The following ALK variants were observed in gnomAD, a reference collection of about 807,000 sequenced individuals.
ALK encodes the protein ALK tyrosine kinase receptor.
A neutral mutation model predicts 163.1 loss-of-function variants in ALK; 74 were observed. The ratio of observed to expected loss-of-function variants is 0.45; its 90% CI spans 0.38 to 0.55. The LOEUF is 0.55. ALK is among the 20% of genes least tolerant of loss of function. ALK has a pLI of 0.00. For missense variants in ALK, 2,063 were observed against 2,105.3 expected (o/e 0.98, Z 0.39); for synonymous variants, 960 against 843.2 (o/e 1.14, Z -2.40).
intron 1 of ALK, among the ~76,000 whole-genome samples, chr2:29,830,713 T>TAA (rs530774574): frequency 7.6e-4 from 22 of 28,982 alleles, no homozygotes; most frequent in Non-Finnish European, 1.1e-3. Flanking sequence ...TAAAATAGTT[T>TAA]AAAAAAAAAA....
In ALK at chr2:29,203,126, G is replaced by C. The variant is rs150745394; in HGVS notation, c.3938+4045C>G. On this transcript the variant is annotated intron_variant, in intron 26 of 28. Coordinates refer to ENST00000389048, the MANE Select transcript of ALK (RefSeq NM_004304.5). Reference sequence around the variant, plus strand: ...GGCCTGAGGTGGGGGCCGAGGATTCGCAGTTCCCAGGTGGTGCTGATGGAC... The same window carrying C: ...GGCCTGAGGTGGGGGCCGAGGATTCCCAGTTCCCAGGTGGTGCTGATGGAC... Among the ~76,000 whole-genome samples the C allele has an allele frequency of 3.3e-3, 498 of 152,238 alleles. 2 individuals carry two copies. Among genetic ancestry groups the C allele is most frequent in the African/African-American group, 0.011 (474 of 41,530 alleles).
At chr2:29,837,026 C>A (rs1041572202) in intron 1 of ALK, among the ~76,000 whole-genome samples, 1 of 152,196 alleles carries the variant, frequency 6.6e-6, no homozygotes, top group Non-Finnish European at 1.5e-5. Context: ...AATCCCTGAT[C>A]CCACTGTGAA....
chr2:29,778,932 G>A (rs534388507), intron 1 of ALK, among the ~76,000 whole-genome samples: 13 of 152,028 alleles, frequency 8.6e-5, no homozygotes, highest in Non-Finnish European at 1.5e-4. Context: ...GAGGCAAGCA[G>A]ATCACGAGGT....
At chr2:29,562,698 T>A (rs1674059688) in intron 3 of ALK, among the ~76,000 whole-genome samples, 1 of 152,200 alleles carries the variant, frequency 6.6e-6, no homozygotes, top group African/African-American at 2.4e-5. Flanking sequence ...CTTCACAAAA[T>A]ACTCATCCAG....
At chr2:29,837,551 C>T (rs1364802489) in intron 1 of ALK, among the ~76,000 whole-genome samples, 1 of 152,150 alleles carries the variant, frequency 6.6e-6, no homozygotes, top group Non-Finnish European at 1.5e-5. Flanking sequence ...GGAGATGGCA[C>T]AAGACTGTGG....
chr2:29,748,957 C>G (rs1024141307), intron 1 of ALK, among the ~76,000 whole-genome samples: 2 of 152,124 alleles, frequency 1.3e-5, no homozygotes, highest in Non-Finnish European at 2.9e-5. Flanking sequence ...TGTTGGCCAG[C>G]TGGTCTTGAA....
At chr2:29,519,271 G>A (rs1219575129) in intron 4 of ALK, among the ~76,000 whole-genome samples, 1 of 152,198 alleles carries the variant, frequency 6.6e-6, no homozygotes, top group Non-Finnish European at 1.5e-5. Context: ...GATGGGCTTT[G>A]GAAGAGCCTC....
chr2:29,486,058 ACTT>A (rs1671769645), intron 4 of ALK, among the ~76,000 whole-genome samples: 1 of 149,608 alleles, frequency 6.7e-6, no homozygotes, highest in Non-Finnish European at 1.5e-5. Context: ...TCTGCTTACT[ACTT>A]TCCATTTCTG....
At chr2:29,752,631 A>G (rs1264702600) in intron 1 of ALK, among the ~76,000 whole-genome samples, 1 of 151,896 alleles carries the variant, frequency 6.6e-6, no homozygotes, top group African/African-American at 2.4e-5. Context: ...TACAGGCGTG[A>G]GCCACCGCGC....
At chr2:29,592,164 G>T (rs766374748) in intron 3 of ALK, among the ~76,000 whole-genome samples, 16 of 152,152 alleles carry the variant, frequency 1.1e-4, no homozygotes, top group South Asian at 2.1e-4. Context: ...GGTACTCAGC[G>T]GGTCCCAGAG....
chr2:29,514,532 T>C (rs909643601), intron 4 of ALK, among the ~76,000 whole-genome samples: 1 of 152,220 alleles, frequency 6.6e-6, no homozygotes, highest in Non-Finnish European at 1.5e-5. Flanking sequence ...TTTTGGAGTT[T>C]GGAAAGATGG....
chr2:29,446,126 A>T (rs1670673342), intron 4 of ALK, among the ~76,000 whole-genome samples: 1 of 117,986 alleles, frequency 8.5e-6, no homozygotes, highest in South Asian at 3.1e-4. Context: ...AAAAAAAAAA[A>T]GTGAAGCGCT....
chr2:29,526,106 T>A (rs114409436), intron 4 of ALK, among the ~76,000 whole-genome samples: 2,059 of 152,288 alleles, frequency 0.014, 60 homozygotes, highest in African/African-American at 0.047. Flanking sequence ...CACTCTCCCA[T>A]GACCCTGAGC....
chr2:29,834,267 T>C (rs1035489105), intron 1 of ALK, among the ~76,000 whole-genome samples: 6 of 152,226 alleles, frequency 3.9e-5, no homozygotes, highest in African/African-American at 9.6e-5. Flanking sequence ...GTATGTTTAT[T>C]GTCTACATGG....
intron 3 of ALK, among the ~76,000 whole-genome samples, chr2:29,591,805 G>A (rs1472529241): frequency 2.0e-5 from 3 of 151,470 alleles, no homozygotes; most frequent in Non-Finnish European, 4.4e-5. Context: ...ATCCCTGAGT[G>A]GCAGAAGCGC....
chr2:29,883,915 C>G (rs1052562733), intron 1 of ALK, among the ~76,000 whole-genome samples: 1 of 151,978 alleles, frequency 6.6e-6, no homozygotes, highest in Non-Finnish European at 1.5e-5. Context: ...TATGTAGATA[C>G]TAGTCTATTT....
chr2:29,611,207 G>T (rs1164520425), intron 3 of ALK, among the ~76,000 whole-genome samples: 1 of 152,152 alleles, frequency 6.6e-6, no homozygotes, highest in Non-Finnish European at 1.5e-5. Context: ...CAGCATCTTG[G>T]CCAGAGTGAT....
intron 6 of ALK, among the ~76,000 whole-genome samples, chr2:29,327,581 A>G (rs1667306110): frequency 6.6e-6 from 1 of 152,182 alleles, no homozygotes. Flanking sequence ...CAAAATGGGG[A>G]GAGATACTAC....
chr2:29,654,393 AACAG>A (rs1285420334), intron 3 of ALK, among the ~76,000 whole-genome samples: 5 of 130,000 alleles, frequency 3.8e-5, no homozygotes, highest in African/African-American at 1.8e-4. Flanking sequence ...GAGTTATACA[AACAG>A]TCAGTGCTCC....
Sources: gnomAD v4.1 joint callset for allele counts (sites outside exome capture counted in the v4.1 genomes callset) on GRCh38, gnomAD v4.1.1 for gene constraint, MANE v1.5 for transcripts, NCBI Gene and HGNC (gene_info 2026-07-23, HGNC 2026-07-21) for gene names.